Variants in KCNJ3 observed in about 807,000 individuals in gnomAD.
KCNJ3 encodes potassium inwardly rectifying channel subfamily J member 3.
A neutral mutation model predicts 39.2 loss-of-function variants in KCNJ3; 4 were observed. That is an observed-to-expected ratio of 0.10 (90% confidence interval 0.05 to 0.23). The LOEUF is 0.23. KCNJ3 is among the 10% of genes least tolerant of loss of function. KCNJ3 has a pLI of 1.00. For synonymous variants in KCNJ3, 230 were observed against 237.4 expected (o/e 0.97, Z 0.29); for missense variants, 276 against 634.9 (o/e 0.43, Z 6.08).
intron 2 of KCNJ3, among the ~76,000 whole-genome samples, chr2:154,744,024 CTA>C (rs767176507): frequency 6.6e-5 from 10 of 151,436 alleles, no homozygotes; most frequent in East Asian, 3.9e-4. Flanking sequence ...TTCCTATTTT[CTA>C]TATGTTTTTA....
Position 154,699,547 on chromosome 2 carries a change from G to T in KCNJ3, c.702+70G>T. The T allele has an allele frequency of 6.7e-7, 1 of 1,487,738 alleles. No homozygotes were observed. Among genetic ancestry groups the T allele is most frequent in the Non-Finnish European group, 8.9e-7 (1 of 1,120,546 alleles). 92.2% of individuals were successfully genotyped at this position (1,487,738 alleles called of 1,614,324 possible). On this transcript the variant is annotated intron_variant, in intron 1 of 2. Coordinates refer to ENST00000295101, the MANE Select transcript of KCNJ3 (RefSeq NM_002239.4). This position sits in a 1 kb window ranked among gnomAD's most constrained non-coding sequence, Gnocchi z 6.4. ...CAAACCCGCGGAGTAACTCGTCTGA[G>T]AACCAGCCCGGGCCCCCTCCCCTGG...
chr2:154,770,260 C>A (rs1686215479), intron 2 of KCNJ3, among the ~76,000 whole-genome samples: 1 of 152,158 alleles, frequency 6.6e-6, no homozygotes, highest in Non-Finnish European at 1.5e-5. Flanking sequence ...TCTTTGAAAT[C>A]CCAGATATTG....
intron 2 of KCNJ3, among the ~76,000 whole-genome samples, chr2:154,790,115 G>A (rs1399008463): frequency 6.6e-6 from 1 of 152,020 alleles, no homozygotes; most frequent in Non-Finnish European, 1.5e-5. Flanking sequence ...TGTCGTGACA[G>A]ATAAACGACA....
chr2:154,809,117 C>A (rs1054097608), intron 2 of KCNJ3, among the ~76,000 whole-genome samples: 1 of 152,126 alleles, frequency 6.6e-6, no homozygotes, highest in Admixed American at 6.6e-5. Flanking sequence ...GACCCCTCCC[C>A]ACCCCACGAG....
chr2:154,840,476 G>A (rs1016391148), intron 2 of KCNJ3, among the ~76,000 whole-genome samples: 37 of 152,258 alleles, frequency 2.4e-4, no homozygotes, highest in African/African-American at 8.7e-4. Flanking sequence ...ATTCTGTGAA[G>A]TCATTGGTAG....
At chr2:154,720,287 T>C (rs1437972582) in intron 2 of KCNJ3, among the ~76,000 whole-genome samples, 1 of 152,018 alleles carries the variant, frequency 6.6e-6, no homozygotes, top group Non-Finnish European at 1.5e-5. Flanking sequence ...GGGGTGTATT[T>C]GTTTAGCCTT....
intron 2 of KCNJ3, among the ~76,000 whole-genome samples, chr2:154,850,872 AC>A (rs1378908283): frequency 1.3e-5 from 2 of 152,018 alleles, no homozygotes; most frequent in African/African-American, 4.8e-5. Context: ...ATGTTGAGAA[AC>A]CCTAAAAGTT....
chr2:154,736,595 A>G (rs1169368454), intron 2 of KCNJ3, among the ~76,000 whole-genome samples: 1 of 152,122 alleles, frequency 6.6e-6, no homozygotes, highest in Non-Finnish European at 1.5e-5. Context: ...CAATGAAGCA[A>G]CAGAACTCGT....
chr2:154,814,101 C>T (rs1296327759), intron 2 of KCNJ3, among the ~76,000 whole-genome samples: 1 of 152,158 alleles, frequency 6.6e-6, no homozygotes, highest in Non-Finnish European at 1.5e-5. Flanking sequence ...ACTTCCTCAA[C>T]AGTTCTGTTA....
chr2:154,783,292 T>C (rs1245944668), intron 2 of KCNJ3, among the ~76,000 whole-genome samples: 1 of 152,250 alleles, frequency 6.6e-6, no homozygotes, highest in Non-Finnish European at 1.5e-5. Flanking sequence ...AAAATTTGTA[T>C]GTGCTTCTTC....
At chr2:154,839,332 C>A (rs1313800201) in intron 2 of KCNJ3, among the ~76,000 whole-genome samples, 5 of 152,176 alleles carry the variant, frequency 3.3e-5, no homozygotes, top group Admixed American at 6.5e-5. Flanking sequence ...TCCAGTCTAT[C>A]ATTGATGGAC....
At chr2:154,803,308 T>A (rs967839804) in intron 2 of KCNJ3, among the ~76,000 whole-genome samples, 1 of 152,000 alleles carries the variant, frequency 6.6e-6, no homozygotes, top group Admixed American at 6.6e-5. Context: ...ATTTGTTATA[T>A]CATGAAATTA....
intron 2 of KCNJ3, among the ~76,000 whole-genome samples, chr2:154,789,797 C>T (rs1230492543): frequency 6.6e-6 from 1 of 151,882 alleles, no homozygotes; most frequent in Non-Finnish European, 1.5e-5. Context: ...AAGGCTTTAG[C>T]TATTAAAACA....
At position 154,698,997 on chromosome 2, in the gene KCNJ3, G is replaced by T. The variant is rs751330548; in HGVS notation, c.222G>T (p.Thr74=). The change falls in exon 1 of 3, where the codon ACG becomes ACT. Residue 74 remains threonine (T), a synonymous_variant. Transcript: ENST00000295101. ...GCTACCTCTCGGACCTCTTCACCAC[G>T]CTGGTGGACCTCAAGTGGCGCTGGA... ...TSRYLSDLFT[T]LVDLKWRWNL... is the part of the protein sequence containing the mutation. The T allele has an allele frequency of 1.9e-6, 3 of 1,614,202 alleles. No homozygotes were observed. The highest frequency in any genetic ancestry group is 2.5e-6 in the Non-Finnish European group (3 of 1,180,038).
chr2:154,726,456 A>G (rs1203181203), intron 2 of KCNJ3, among the ~76,000 whole-genome samples: 1 of 152,092 alleles, frequency 6.6e-6, no homozygotes, highest in Non-Finnish European at 1.5e-5. Flanking sequence ...AAAATCAAAA[A>G]ATAATAGATG....
chr2:154,800,554 T>C (rs1293400409), intron 2 of KCNJ3, among the ~76,000 whole-genome samples: 1 of 152,188 alleles, frequency 6.6e-6, no homozygotes, highest in South Asian at 2.1e-4. Flanking sequence ...ATTTTATGTT[T>C]TAAATTCTAC....
At chr2:154,827,303 T>C (rs1687286912) in intron 2 of KCNJ3, among the ~76,000 whole-genome samples, 2 of 152,300 alleles carry the variant, frequency 1.3e-5, no homozygotes, top group African/African-American at 2.4e-5. Context: ...CACTAATCTT[T>C]GGGGTGTTTT....
chr2:154,808,167 G>C (rs1363838117), intron 2 of KCNJ3, among the ~76,000 whole-genome samples: 1 of 149,632 alleles, frequency 6.7e-6, no homozygotes, highest in African/African-American at 2.5e-5. Flanking sequence ...TTCAACCTCT[G>C]CCTCCCAGGT....
intron 2 of KCNJ3, among the ~76,000 whole-genome samples, chr2:154,755,976 C>T (rs1472189065): frequency 2.0e-5 from 3 of 152,050 alleles, no homozygotes; most frequent in African/African-American, 7.2e-5. Context: ...TTAAATATGC[C>T]ATTTTTCTTG....
Sources: allele counts gnomAD v4.1 joint callset (sites outside exome capture counted in the v4.1 genomes callset), GRCh38; gene constraint gnomAD v4.1.1; non-coding constraint Gnocchi (gnomAD v3.1); transcripts MANE v1.5; gene names NCBI Gene and HGNC (gene_info 2026-07-23, HGNC 2026-07-21).